CANT1: variants seen among roughly 807,000 people sequenced by gnomAD.
CANT1 encodes the protein calcium activated nucleotidase 1.
A neutral mutation model predicts 30.0 loss-of-function variants in CANT1; 26 were observed. The observed-to-expected ratio is 0.87, with a 90% CI of 0.64 to 1.20. The LOEUF (loss-of-function observed/expected upper bound fraction) is 1.20, where lower values mean the gene tolerates loss of function less well. Ranked by LOEUF, CANT1 falls within the 50% of genes most tolerant of loss-of-function variation. CANT1 has a pLI of 0.00. For missense variants in CANT1, 518 were observed against 563.0 expected (o/e 0.92, Z 0.81); for synonymous variants, 246 against 251.8 (o/e 0.98, Z 0.22).
intron 1 of CANT1, among the ~76,000 whole-genome samples, chr17:79,000,734 G>A (rs1019702560): frequency 4.7e-4 from 71 of 152,318 alleles, no homozygotes; most frequent in Non-Finnish European, 7.8e-4. Flanking sequence ...GGAACAGTCG[G>A]GCCTGCTCTT....
At chr17:79,003,961 AGGGAGTTGGG>A (rs2071359928) in intron 1 of CANT1, among the ~76,000 whole-genome samples, 3 of 10,268 alleles carry the variant, frequency 2.9e-4, no homozygotes, top group African/African-American at 9.0e-4. Flanking sequence ...GTTAGGGAGT[AGGGAGTTGGG>A]GGGGAGTTAG....
Position 78,992,716 on chromosome 17 carries a change from A to G in CANT1, c.*834T>C, listed in dbSNP as rs1343380093. ...TTGGCCAAGAACGCCGACATGTGAGACTTGCTTCACCAGCCGCCACCGCTT... is the reference window on the plus strand; with the variant it reads ...TTGGCCAAGAACGCCGACATGTGAGGCTTGCTTCACCAGCCGCCACCGCTT... On this transcript the variant is annotated 3_prime_UTR_variant, in exon 5 of 5. Transcript: ENST00000392446. The G allele has an allele frequency of 3.4e-6, 2 of 596,878 alleles. No individual in the cohort carries two copies. The highest frequency in any genetic ancestry group is 6.5e-6 in the Non-Finnish European group (2 of 308,436). The allele number at this position is 596,878 out of a possible 1,614,324, so 37.0% of individuals were successfully genotyped here. A position where few individuals can be genotyped will look rare whatever the true frequency, so the allele number is the denominator to read the frequency against.
chr17:79,000,234 G>A (rs935411966), intron 1 of CANT1: 1 of 152,172 alleles, frequency 6.6e-6, no homozygotes, highest in Non-Finnish European at 1.5e-5. Flanking sequence ...CAGTGGTCTG[G>A]TTCAAGCTCT....
chr17:79,002,521 G>A lies in CANT1; in HGVS notation c.-146-4558C>T, dbSNP rs890986142. On this transcript the variant is annotated intron_variant, in intron 1 of 4. Coordinates refer to ENST00000392446, the MANE Select transcript of CANT1 (RefSeq NM_001159773.2). The surrounding 1 kb of genome is among the most constrained non-coding windows in gnomAD (Gnocchi z 4.0). ...TGTAGACTCTGCCTGGTGTGTAGAC[G>A]CGGCCTGCGTAGACGCGGCCTGCTG... 2.6e-5 allele frequency among the ~76,000 whole-genome samples: 4 copies of A among 151,870 alleles called. No individual in the cohort carries two copies. Among genetic ancestry groups the A allele is most frequent in the South Asian group, 2.1e-4 (1 of 4,798 alleles).
intron 4 of CANT1, among the ~76,000 whole-genome samples, chr17:78,994,164 G>A (rs1230077951): frequency 6.6e-6 from 1 of 152,152 alleles, no homozygotes; most frequent in Admixed American, 6.5e-5. Context: ...AGCTGCCTGT[G>A]AGCTGCATCA....
intron 1 of CANT1, among the ~76,000 whole-genome samples, chr17:79,007,729 G>A (rs952350935): frequency 2.0e-5 from 3 of 152,156 alleles, no homozygotes; most frequent in African/African-American, 7.2e-5. Context: ...GCACAGTGAC[G>A]GGTGAGTGAA....
intron 1 of CANT1, among the ~76,000 whole-genome samples, chr17:79,003,193 T>G (rs942441632): frequency 8.5e-5 from 13 of 152,204 alleles, no homozygotes; most frequent in African/African-American, 2.9e-4. Flanking sequence ...AAGGGACTGC[T>G]TCTAGTGACA....
Position 78,995,211 on chromosome 17 carries a change from G to A in CANT1, c.642C>T (p.Ala214=), listed in dbSNP as rs763216253. ...GDGTVEKGFK[A]EWLAVKDERL... The stretch of plus-strand genomic sequence containing the variant: ...GCTCGTCCTTCACTGCCAGCCATTC[G>A]GCCTTGAAGCCTGGCCAAGCAGAGT... Residue 214 remains alanine, a synonymous_variant, in exon 4 of 5, where the codon GCC becomes GCT. Coordinates refer to ENST00000392446, the MANE Select transcript of CANT1 (RefSeq NM_001159773.2). This position sits in a 1 kb window ranked among gnomAD's most constrained non-coding sequence, Gnocchi z 5.7. The A allele has an allele frequency of 4.3e-6, 7 of 1,613,202 alleles. No individual in the cohort carries two copies. The highest frequency in any genetic ancestry group is 2.7e-5 in the African/African-American group (2 of 74,664).
At chr17:79,006,976 C>T (rs1375775979) in intron 1 of CANT1, among the ~76,000 whole-genome samples, 1 of 152,222 alleles carries the variant, frequency 6.6e-6, no homozygotes, top group Non-Finnish European at 1.5e-5. Context: ...TCACCTCTGC[C>T]CCACTCCCAC....
In CANT1 at chr17:78,996,535, G is replaced by A. The variant is rs2071039490; in HGVS notation, c.631+457C>T. Among the ~76,000 whole-genome samples, 2 of 152,178 alleles carry A rather than the reference G, an allele frequency of 1.3e-5. No homozygotes were observed. Among genetic ancestry groups the A allele is most frequent in the African/African-American group, 2.4e-5 (1 of 41,438 alleles). On this transcript the variant is annotated intron_variant, in intron 3 of 4. Transcript: ENST00000392446. The surrounding 1 kb of genome is among the most constrained non-coding windows in gnomAD (Gnocchi z 5.1). ...CCCTGCTGGGGTTCAGGGAGAGGAG[G>A]GCTGGGCAGCAGTTTACCCTTCAGT...
At chr17:79,007,590 GCA>G (rs1374831764) in intron 1 of CANT1, among the ~76,000 whole-genome samples, 1 of 152,082 alleles carries the variant, frequency 6.6e-6, no homozygotes, top group South Asian at 2.1e-4. Context: ...GCCTGCACAG[GCA>G]CACACACCTC....
rs548806863 is a variant in CANT1, at chr17:78,997,568, G to A, written c.55C>T (p.Arg19Trp). 1.7e-5 allele frequency: 27 copies of A among 1,563,720 alleles called. No homozygotes were observed. Among genetic ancestry groups the A allele is most frequent in the African/African-American group, 6.8e-5 (5 of 73,514 alleles). The change falls in exon 3 of 5, where the codon CGG becomes TGG. Residue 19 changes from arginine to tryptophan, a missense_variant. Around this residue, in one of 3 missense-constraint regions of CANT1, gnomAD observed 249 missense variants for 268.8 expected, o/e 0.93. Coordinates refer to ENST00000392446, the MANE Select transcript of CANT1 (RefSeq NM_001159773.2). This position sits in a 1 kb window ranked among gnomAD's most constrained non-coding sequence, Gnocchi z 7.5. ...ACAGGAAGGCCCCCCACACTGATCC[G>A]GAGGGAGTGCATAGACTCATTCCAT... ...PEWNESMHSL[R>W]ISVGGLPVLA...
intron 1 of CANT1, among the ~76,000 whole-genome samples, chr17:79,000,936 C>G (rs576916144): frequency 6.6e-6 from 1 of 152,334 alleles, no homozygotes; most frequent in African/African-American, 2.4e-5. Flanking sequence ...AGGGAGCAGA[C>G]AGTCTGCACG....
chr17:78,991,812 GA>G lies in CANT1; in HGVS notation c.*1737del. On this transcript the variant is annotated 3_prime_UTR_variant, in exon 5 of 5. Coordinates refer to ENST00000392446, the MANE Select transcript of CANT1 (RefSeq NM_001159773.2). ...TGACAGCAGCGAACAGAGAGGGGAAGAAAAAAGGTGAGCTTTAAAGTAATCG... is the reference window on the plus strand; with the variant it reads ...TGACAGCAGCGAACAGAGAGGGGAAGAAAAAGGTGAGCTTTAAAGTAATCG... 4.4e-6 allele frequency: 1 copy of G among 226,984 alleles called. No homozygotes were observed. The allele number at this position is 226,984 out of a possible 1,614,324, so 14.1% of individuals were successfully genotyped here. A position where few individuals can be genotyped will look rare whatever the true frequency, so the allele number is the denominator to read the frequency against.
intron 1 of CANT1, among the ~76,000 whole-genome samples, chr17:79,001,931 G>A (rs1024954564): frequency 6.6e-6 from 1 of 152,072 alleles, no homozygotes; most frequent in Non-Finnish European, 1.5e-5. Context: ...GCCCTCAGGA[G>A]CCATCCCAGG....
intron 1 of CANT1, among the ~76,000 whole-genome samples, chr17:79,009,123 A>G (rs942333389): frequency 1.9e-4 from 29 of 151,044 alleles, no homozygotes; most frequent in Admixed American, 1.2e-3. Flanking sequence ...TCAGAGGGGG[A>G]TGGTCCCCAC....
chr17:79,000,448 G>GC (rs2071215773), intron 1 of CANT1, among the ~76,000 whole-genome samples: 1 of 127,822 alleles, frequency 7.8e-6, no homozygotes, highest in African/African-American at 3.1e-5. Context: ...CTGCCTCTCC[G>GC]CCCCTGACAC....
In CANT1 at chr17:78,993,625, G is replaced by A. The variant is rs147738899; in HGVS notation, c.1131C>T (p.Phe377=). The A allele has an allele frequency of 8.1e-6, 13 of 1,614,164 alleles. No individual in the cohort carries two copies. In the African/African-American group the frequency reaches 1.7e-4, roughly 22 times the overall value. Residue 377 remains phenylalanine (F), a synonymous_variant, in exon 5 of 5, where the codon TTC becomes TTT. Transcript: ENST00000392446. This position sits in a 1 kb window ranked among gnomAD's most constrained non-coding sequence, Gnocchi z 4.5. ...SGRVASYIMA[F]TLDGRFLLPE... Reference sequence around the variant, plus strand: ...GCAACAGGAAGCGCCCGTCCAGCGTGAAGGCCATGATGTAGGAGGCGACTC... The same window carrying A: ...GCAACAGGAAGCGCCCGTCCAGCGTAAAGGCCATGATGTAGGAGGCGACTC...
Position 78,994,243 on chromosome 17 carries a change from C to T in CANT1, c.836-323G>A, listed in dbSNP as rs183556610. Among the ~76,000 whole-genome samples, 272 of 152,292 alleles carry T rather than the reference C, an allele frequency of 1.8e-3. 1 individual carries two copies. Among genetic ancestry groups the T allele is most frequent in the Middle Eastern group, 6.8e-3 (2 of 294 alleles). ...AACCCAAGGAAAGGGAACAAACCCC[C>T]ATTGGATGTGGGGAGGCATCGGCGG... On this transcript the variant is annotated intron_variant, in intron 4 of 4. Transcript: ENST00000392446.
Sources: allele counts gnomAD v4.1 joint callset (sites outside exome capture counted in the v4.1 genomes callset), GRCh38; gene constraint gnomAD v4.1.1; regional missense constraint gnomAD v4.1.1; non-coding constraint Gnocchi (gnomAD v3.1); transcripts MANE v1.5; gene names NCBI Gene and HGNC (gene_info 2026-07-23, HGNC 2026-07-21).